The following JAZF1 variants were observed in gnomAD, a reference collection of about 807,000 sequenced individuals.
JAZF1 encodes JAZF zinc finger 1, also known as juxtaposed with another zinc finger protein 1.
Under a neutral mutation model 26.4 loss-of-function variants are expected in JAZF1, and 8 were observed. The observed-to-expected ratio is 0.30, with a 90% CI of 0.18 to 0.55. The LOEUF (loss-of-function observed/expected upper bound fraction) is 0.55, where lower values mean the gene tolerates loss of function less well. Ranked by LOEUF, JAZF1 falls within the 20% of genes least tolerant of loss-of-function variation. The pLI is 0.94. For missense variants in JAZF1, 199 were observed against 322.0 expected, an observed-to-expected ratio of 0.62 and a Z score of 2.92; for synonymous variants, 126 against 122.3, an observed-to-expected ratio of 1.03 and a Z score of -0.20.
intron 2 of JAZF1, among the ~76,000 whole-genome samples, chr7:27,975,343 C>G (rs1287774444): frequency 6.6e-6 from 1 of 152,110 alleles, no homozygotes; most frequent in East Asian, 1.9e-4. Flanking sequence ...AGTGCTAAAT[C>G]AGTCATGAGA....
At chr7:27,849,835 G>A (rs1244970646) in intron 3 of JAZF1, among the ~76,000 whole-genome samples, 1 of 148,078 alleles carries the variant, frequency 6.8e-6, no homozygotes, top group Admixed American at 6.7e-5. Context: ...CAGGGGCCCC[G>A]CCGGGTGCTT....
chr7:28,090,201 G>C (rs1020382855), intron 1 of JAZF1, among the ~76,000 whole-genome samples: 3 of 152,184 alleles, frequency 2.0e-5, no homozygotes, highest in African/African-American at 7.2e-5. Flanking sequence ...TCGGACTATA[G>C]TGAAGATTGG....
intron 1 of JAZF1, among the ~76,000 whole-genome samples, chr7:27,999,442 A>T (rs1438099253): frequency 2.0e-5 from 3 of 152,154 alleles, no homozygotes; most frequent in Non-Finnish European, 1.5e-5. Flanking sequence ...CTTAGTGACA[A>T]AAGAAAAGGC....
intron 3 of JAZF1, among the ~76,000 whole-genome samples, chr7:27,882,312 T>A (rs1240200260): frequency 6.6e-6 from 1 of 152,120 alleles, no homozygotes; most frequent in African/African-American, 2.4e-5. Context: ...GGCTTGTTTT[T>A]TTTTTTTAAA....
intron 2 of JAZF1, among the ~76,000 whole-genome samples, chr7:27,951,769 T>C (rs1372735357): frequency 6.6e-6 from 1 of 152,156 alleles, no homozygotes; most frequent in African/African-American, 2.4e-5. Context: ...TCTCCTAGTT[T>C]TAGAATCAAC....
intron 4 of JAZF1, among the ~76,000 whole-genome samples, chr7:27,833,578 C>T (rs916321834): frequency 2.6e-5 from 4 of 152,118 alleles, no homozygotes; most frequent in African/African-American, 7.2e-5. Context: ...TTGTCCCCGC[C>T]GTACAGTTGT....
intron 1 of JAZF1, among the ~76,000 whole-genome samples, chr7:28,047,528 CG>C (rs1382857442): frequency 3.3e-5 from 5 of 152,006 alleles, no homozygotes; most frequent in African/African-American, 1.2e-4. Flanking sequence ...ATCTCATAGA[CG>C]TTTTTTGTTA....
intron 2 of JAZF1, among the ~76,000 whole-genome samples, chr7:27,936,395 C>G (rs191398724): frequency 1.4e-3 from 211 of 152,346 alleles, no homozygotes; most frequent in African/African-American, 4.9e-3. Flanking sequence ...CTGGCCAACT[C>G]TCTTCCTCAT....
intron 3 of JAZF1, among the ~76,000 whole-genome samples, chr7:27,855,020 T>C (rs1783219319): frequency 6.6e-6 from 1 of 152,196 alleles, no homozygotes; most frequent in Non-Finnish European, 1.5e-5. Context: ...GGTTCGGTCA[T>C]TTCACATAGT....
At chr7:28,030,363 C>T (rs1003122116) in intron 1 of JAZF1, among the ~76,000 whole-genome samples, 43 of 152,126 alleles carry the variant, frequency 2.8e-4, no homozygotes, top group African/African-American at 1.0e-3. Flanking sequence ...ACGTTTACTG[C>T]CAAAAGAGGA....
intron 3 of JAZF1, among the ~76,000 whole-genome samples, chr7:27,894,866 C>G (rs1460504513): frequency 6.6e-6 from 1 of 152,108 alleles, no homozygotes; most frequent in Admixed American, 6.5e-5. Context: ...ATTATTTTAA[C>G]TGTTTTACAA....
At position 27,884,310 on chromosome 7, in the gene JAZF1, C is replaced by T. The variant is rs553329196; in HGVS notation, c.385+10910G>A. Among the ~76,000 whole-genome samples the T allele has an allele frequency of 1.6e-3, 239 of 152,256 alleles. 1 individual carries two copies. Among genetic ancestry groups the T allele is most frequent in the African/African-American group, 5.4e-3 (223 of 41,566 alleles). On this transcript the variant is annotated intron_variant, in intron 3 of 4. Coordinates refer to ENST00000283928, the MANE Select transcript of JAZF1 (RefSeq NM_175061.4). ...CACACCCAGCTAATTTTTTGATTTT[C>T]GTAGAGACCAGGTCTCACTATGATG...
At chr7:28,067,203 G>A (rs962815921) in intron 1 of JAZF1, among the ~76,000 whole-genome samples, 3 of 152,174 alleles carry the variant, frequency 2.0e-5, no homozygotes, top group African/African-American at 4.8e-5. Flanking sequence ...GAAAGGCTGG[G>A]TCTGAAAAAC....
chr7:27,888,207 T>C (rs1323984099), intron 3 of JAZF1, among the ~76,000 whole-genome samples: 4 of 152,202 alleles, frequency 2.6e-5, no homozygotes, highest in Non-Finnish European at 5.9e-5. Flanking sequence ...GAGAATTTGT[T>C]AGAAAAACCA....
In JAZF1 at chr7:27,831,398, ATT is replaced by A. The variant is rs993716436; in HGVS notation, c.*1400_*1401del. ...TATGGGCAGTTAGCTATCTCAAAGCATTTTTTATTGCATTATTAGGCAACTGG... is the reference window on the plus strand; with the variant it reads ...TATGGGCAGTTAGCTATCTCAAAGCATTTTATTGCATTATTAGGCAACTGG... On this transcript the variant is annotated 3_prime_UTR_variant, in exon 5 of 5. Coordinates refer to ENST00000283928, the MANE Select transcript of JAZF1 (RefSeq NM_175061.4). The A allele has an allele frequency of 5.7e-5, 13 of 227,940 alleles. No individual in the cohort carries two copies. Among genetic ancestry groups the A allele is most frequent in the African/African-American group, 2.9e-4 (13 of 45,054 alleles). 14.1% of individuals were successfully genotyped at this position (227,940 alleles called of 1,614,324 possible). A position where few individuals can be genotyped will look rare whatever the true frequency, so the allele number is the denominator to read the frequency against.
intron 4 of JAZF1, among the ~76,000 whole-genome samples, chr7:27,835,296 TA>T (rs1162444502): frequency 6.6e-6 from 1 of 151,754 alleles, no homozygotes; most frequent in Non-Finnish European, 1.5e-5. Flanking sequence ...CTAATTAGGC[TA>T]AAAAAAAGAT....
chr7:27,977,235 T>C (rs1583489399), intron 2 of JAZF1, among the ~76,000 whole-genome samples: 1 of 152,224 alleles, frequency 6.6e-6, no homozygotes, highest in African/African-American at 2.4e-5. Context: ...ATACTGAGTT[T>C]TGTCCTAGCA....
At position 28,056,468 on chromosome 7, in the gene JAZF1, AC is replaced by A. The variant is rs879394789; in HGVS notation, c.116-64488del. ...CACACACACACACACACACACACAC[AC>A]ACACACAATAAGAAAGAAATTCTTG... On this transcript the variant is annotated intron_variant, in intron 1 of 4. Transcript: ENST00000283928. 5.0e-3 allele frequency among the ~76,000 whole-genome samples: 736 copies of A among 148,404 alleles called. 8 individuals are homozygous for A. The highest frequency in any genetic ancestry group is 0.016 in the Admixed American group (244 of 14,938).
chr7:27,883,291 C>G (rs1293954632), intron 3 of JAZF1, among the ~76,000 whole-genome samples: 1 of 152,190 alleles, frequency 6.6e-6, no homozygotes, highest in Non-Finnish European at 1.5e-5. Context: ...CAATGCCTCA[C>G]CACTAACCGT....
Sources: gnomAD v4.1 joint callset for allele counts (sites outside exome capture counted in the v4.1 genomes callset) on GRCh38, gnomAD v4.1.1 for gene constraint, MANE v1.5 for transcripts, NCBI Gene and HGNC (gene_info 2026-07-23, HGNC 2026-07-21) for gene names.